Variants in NAV3 observed in about 807,000 individuals in gnomAD.
NAV3 encodes the protein neuron navigator 3.
In NAV3, 87 loss-of-function variants were observed where a neutral mutation model predicts 244.7. That is an observed-to-expected ratio of 0.36 (90% CI 0.30 to 0.42). The LOEUF is 0.42. NAV3 is among the 20% of genes least tolerant of loss of function. The pLI, the probability that NAV3 is intolerant of heterozygous loss-of-function variation, is 1.00. For synonymous variants in NAV3, 1,126 were observed against 1,042.2 expected (o/e 1.08, Z -1.55); for missense variants, 2,663 against 2,893.3 (o/e 0.92, Z 1.83).
At chr12:78,058,446 C>T (rs1443050030) in intron 11 of NAV3, among the ~76,000 whole-genome samples, 1 of 152,036 alleles carries the variant, frequency 6.6e-6, no homozygotes, top group Non-Finnish European at 1.5e-5. Flanking sequence ...TCTATCTGCC[C>T]CCTCCCTTGA....
rs12313983 is a variant in NAV3, at chr12:77,920,772, C to T, written c.244-19547C>T. Among the ~76,000 whole-genome samples the T allele has an allele frequency of 6.4e-3, 971 of 151,594 alleles. 11 individuals are homozygous for T. The highest frequency in any genetic ancestry group is 0.022 in the African/African-American group (901 of 41,380). On this transcript the variant is annotated intron_variant, in intron 1 of 39. Coordinates refer to ENST00000397909, the MANE Select transcript of NAV3 (RefSeq NM_001024383.2). Reference sequence around the variant, plus strand: ...GTTTGTTACAAAAAAGGAAGTCATCCGAAAAAAAATTACTCTGCAGATGCC... The same window carrying T: ...GTTTGTTACAAAAAAGGAAGTCATCTGAAAAAAAATTACTCTGCAGATGCC...
chr12:78,042,416 G>T (rs1404624822), intron 9 of NAV3, among the ~76,000 whole-genome samples: 1 of 152,200 alleles, frequency 6.6e-6, no homozygotes, highest in Non-Finnish European at 1.5e-5. Flanking sequence ...AACTGGAGAA[G>T]TAATTAAAAA....
intron 2 of NAV3, among the ~76,000 whole-genome samples, chr12:77,810,703 A>T (rs1872245667): frequency 6.6e-6 from 1 of 152,336 alleles, no homozygotes; most frequent in African/African-American, 2.4e-5. Flanking sequence ...ATTTTAGTTA[A>T]AATACTAGCA....
chr12:77,824,241 A>ATTTTTTT (rs61710960), intron 2 of NAV3, among the ~76,000 whole-genome samples: 36 of 104,914 alleles, frequency 3.4e-4, no homozygotes, highest in Non-Finnish European at 4.5e-4. Flanking sequence ...GCCCAACTAA[A>ATTTTTTT]TTTTTTTTTT....
chr12:77,951,454 CT>C (rs1353010381), intron 3 of NAV3, among the ~76,000 whole-genome samples: 1 of 152,142 alleles, frequency 6.6e-6, no homozygotes, highest in African/African-American at 2.4e-5. Context: ...AATGGGAACA[CT>C]TTTACACTGT....
intron 12 of NAV3, among the ~76,000 whole-genome samples, chr12:78,109,711 A>G (rs553899711): frequency 1.3e-5 from 2 of 152,210 alleles, no homozygotes; most frequent in East Asian, 3.9e-4. Context: ...GATCATCTCA[A>G]TAGATGCAGA....
chr12:77,845,127 ATG>A (rs1361230391), intron 1 of NAV3, among the ~76,000 whole-genome samples: 1 of 152,128 alleles, frequency 6.6e-6, no homozygotes, highest in Non-Finnish European at 1.5e-5. Context: ...AAATATGTAT[ATG>A]TGTGTATATA....
chr12:77,663,764 G>A (rs929863706), intron 2 of NAV3, among the ~76,000 whole-genome samples: 18 of 151,924 alleles, frequency 1.2e-4, no homozygotes, highest in Non-Finnish European at 2.1e-4. Flanking sequence ...CAGGTAATTC[G>A]CCCGCCTTGG....
intron 21 of NAV3, among the ~76,000 whole-genome samples, chr12:78,148,203 T>G (rs1444676171): frequency 6.6e-6 from 1 of 152,072 alleles, no homozygotes; most frequent in Admixed American, 6.6e-5. Context: ...AAAGCATCTC[T>G]GAGCTAATAA....
At chr12:77,981,187 T>C (rs1593186504) in intron 5 of NAV3, among the ~76,000 whole-genome samples, 1 of 152,148 alleles carries the variant, frequency 6.6e-6, no homozygotes, top group East Asian at 1.9e-4. Flanking sequence ...AAGGAGAACG[T>C]ATTTTATGAT....
chr12:77,828,392 C>A (rs144283601), upstream of NAV3, among the ~76,000 whole-genome samples: 742 of 152,240 alleles, frequency 4.9e-3, 10 homozygotes, highest in African/African-American at 0.016. Flanking sequence ...TTTAGATATT[C>A]TGTTATAGTA....
At chr12:77,906,523 G>GA (rs57220225) in intron 1 of NAV3, among the ~76,000 whole-genome samples, 1 of 151,284 alleles carries the variant, frequency 6.6e-6, no homozygotes, top group Non-Finnish European at 1.5e-5. Context: ...TGCCAGTAAA[G>GA]AAAAAAAAAT....
intron 2 of NAV3, among the ~76,000 whole-genome samples, chr12:77,789,772 T>C (rs1470285853): frequency 7.1e-6 from 1 of 141,516 alleles, no homozygotes; most frequent in Non-Finnish European, 1.5e-5. Flanking sequence ...ATCGTGCCAT[T>C]GCACTGCAGC....
intron 1 of NAV3, among the ~76,000 whole-genome samples, chr12:77,926,696 G>T (rs925409383): frequency 6.6e-6 from 1 of 152,124 alleles, no homozygotes; most frequent in Non-Finnish European, 1.5e-5. Flanking sequence ...AAATTCATTT[G>T]TTGGGCCCCA....
intron 9 of NAV3, among the ~76,000 whole-genome samples, chr12:78,025,137 T>C (rs1409817064): frequency 6.6e-6 from 1 of 152,190 alleles, no homozygotes; most frequent in Non-Finnish European, 1.5e-5. Context: ...GGAACTGCTC[T>C]TATTGAAGTC....
chr12:77,642,134 G>A (rs1304502577), intron 2 of NAV3, among the ~76,000 whole-genome samples: 2 of 152,032 alleles, frequency 1.3e-5, no homozygotes, highest in Middle Eastern at 3.2e-3. Context: ...ACAAAGATTG[G>A]TCAACAGTAC....
intron 1 of NAV3, among the ~76,000 whole-genome samples, chr12:77,878,415 G>T (rs1015072024): frequency 7.2e-5 from 11 of 151,902 alleles, no homozygotes; most frequent in Non-Finnish European, 1.3e-4. Flanking sequence ...TTTTAGTAGA[G>T]ACAGGGTTTC....
chr12:78,137,157 C>G lies in NAV3; in HGVS notation c.4442-20C>G, dbSNP rs759485314. On this transcript the variant is annotated intron_variant, in intron 18 of 39. Transcript: ENST00000397909. ...CTTTCAAGCTTAAGAGTAATAGGCT[C>G]TGTGTGTTTTGTTTTTCAGTGAGCC... 1 of 1,602,876 alleles carries G rather than the reference C, an allele frequency of 6.2e-7. No homozygotes were observed. The highest frequency in any genetic ancestry group is 2.2e-5 in the East Asian group (1 of 44,682).
chr12:78,111,949 T>A (rs1473668435), intron 12 of NAV3, among the ~76,000 whole-genome samples: 1 of 152,202 alleles, frequency 6.6e-6, no homozygotes, highest in East Asian at 1.9e-4. Flanking sequence ...AATTTATAAA[T>A]GTATTTATTG....
Sources: allele counts gnomAD v4.1 joint callset (sites outside exome capture counted in the v4.1 genomes callset), GRCh38; gene constraint gnomAD v4.1.1; transcripts MANE v1.5; gene names NCBI Gene and HGNC (gene_info 2026-07-23, HGNC 2026-07-21).